Variants in SH3YL1 observed in about 807,000 individuals in gnomAD.
The protein encoded by SH3YL1 is SH3 domain-containing YSC84-like protein 1.
A neutral mutation model predicts 45.8 loss-of-function variants in SH3YL1; 41 were observed. The ratio of observed to expected loss-of-function variants is 0.89; its 90% CI spans 0.70 to 1.16. SH3YL1 has a LOEUF of 1.16. Ranked by LOEUF, SH3YL1 falls within the 50% of genes most tolerant of loss-of-function variation. SH3YL1 has a pLI of 0.00. For synonymous variants in SH3YL1, 152 were observed against 151.4 expected (o/e 1.00, Z -0.03); for missense variants, 389 against 409.6 (o/e 0.95, Z 0.43).
Position 229,354 on chromosome 2 carries a change from G to C in SH3YL1, c.781+612C>G, listed in dbSNP as rs368827761. Among the ~76,000 whole-genome samples the C allele has an allele frequency of 2.0e-5, 3 of 152,188 alleles. 1 individual carries two copies. The highest frequency in any genetic ancestry group is 7.2e-5 in the African/African-American group (3 of 41,446). ...CTTATTTTGTTCTCATTTCAAATCA[G>C]AAGGATAACGGTTTTTGGAAGAAAT... On this transcript the variant is annotated intron_variant, in intron 8 of 9. Transcript: ENST00000356150.
At chr2:260,509 G>A (rs1669545826) in intron 1 of SH3YL1, 1 of 152,186 alleles carries the variant, frequency 6.6e-6, no homozygotes, top group Non-Finnish European at 1.5e-5. Context: ...GGAGCTGCCA[G>A]AATAACTTTT....
intron 1 of SH3YL1, chr2:262,834 T>A (rs1288831817): frequency 3.0e-6 from 2 of 671,974 alleles, no homozygotes; most frequent in African/African-American, 1.9e-5. Flanking sequence ...CAAACATTAT[T>A]TTAAACTTTT....
At chr2:264,068 C>T, upstream of SH3YL1, 3 of 1,350,790 alleles carry the variant, frequency 2.2e-6, no homozygotes, top group South Asian at 5.4e-5. Context: ...ACAAGGAGGC[C>T]CCAGCGAGGG....
intron 4 of SH3YL1, chr2:241,228 G>T (rs1353529767): frequency 6.6e-6 from 1 of 152,038 alleles, no homozygotes; most frequent in Non-Finnish European, 1.5e-5. Flanking sequence ...TTATATAAAA[G>T]AACCAAATGG....
At chr2:248,215 A>C (rs905030889) in intron 3 of SH3YL1, among the ~76,000 whole-genome samples, 4 of 152,330 alleles carry the variant, frequency 2.6e-5, no homozygotes, top group Non-Finnish European at 5.9e-5. Context: ...GGATTACTAT[A>C]TGCTTATTTT....
At chr2:238,337 A>G (rs1668397426) in intron 4 of SH3YL1, among the ~76,000 whole-genome samples, 1 of 150,308 alleles carries the variant, frequency 6.7e-6, no homozygotes, top group South Asian at 2.1e-4. Context: ...ACCAAGCTTA[A>G]GTGGAGCGTC....
At chr2:253,225 AG>A in intron 1 of SH3YL1, 110 bp from the exon 2 acceptor site, 1 of 655,442 alleles carries the variant, frequency 1.5e-6, no homozygotes, top group Non-Finnish European at 2.5e-6. Context: ...TTCAAACCAG[AG>A]GGACTCCATT....
At chr2:225,398 C>T (rs1388290940) in intron 8 of SH3YL1, among the ~76,000 whole-genome samples, 1 of 152,222 alleles carries the variant, frequency 6.6e-6, no homozygotes, top group Non-Finnish European at 1.5e-5. Flanking sequence ...AAAACTGATT[C>T]TAACAGTACA....
At chr2:221,735 A>G (rs181594195) in intron 9 of SH3YL1, among the ~76,000 whole-genome samples, 2 of 152,254 alleles carry the variant, frequency 1.3e-5, no homozygotes, top group Admixed American at 1.3e-4. Context: ...CCTCCTGGGG[A>G]GGAGTACAAG....
intron 9 of SH3YL1, among the ~76,000 whole-genome samples, chr2:222,132 T>C (rs1204838128): frequency 6.6e-6 from 1 of 152,240 alleles, no homozygotes; most frequent in East Asian, 1.9e-4. Context: ...TATACTCATG[T>C]ACTTAAAAAA....
intron 4 of SH3YL1, among the ~76,000 whole-genome samples, chr2:246,735 A>T (rs1668832233): frequency 6.6e-6 from 1 of 152,218 alleles, no homozygotes; most frequent in South Asian, 2.1e-4. Context: ...TGCAGTCATG[A>T]TAAGCAAAAC....
In SH3YL1 at chr2:218,857, C is replaced by T. The variant is rs755451105; in HGVS notation, c.983G>A (p.Arg328Gln). The T allele has an allele frequency of 6.2e-6, 10 of 1,613,850 alleles. No homozygotes were observed. The highest frequency in any genetic ancestry group is 4.0e-5 in the African/African-American group (3 of 74,918). The change falls in exon 10 of 10, where the codon CGA becomes CAA. Residue 328 changes from arginine to glutamine, a missense_variant. Coordinates refer to ENST00000356150, the MANE Select transcript of SH3YL1 (RefSeq NM_015677.4). Reference sequence around the variant, plus strand: ...GGCTGGAAAAATGCCAGTTTGACCTCGAAGTTTTCCTTCCCACCAATCAAA... The same window carrying T: ...GGCTGGAAAAATGCCAGTTTGACCTTGAAGTTTTCCTTCCCACCAATCAAA... ...SHFDWWEGKL[R>Q]GQTGIFPANY... is the part of the protein sequence containing the mutation.
At chr2:229,876 A>G (rs778399772) in intron 8 of SH3YL1, 90 bp downstream of exon 8, 28 of 1,067,914 alleles carry the variant, frequency 2.6e-5, no homozygotes, top group Non-Finnish European at 3.5e-5. Context: ...ATTTAACTCT[A>G]AAGTTTAACA....
chr2:248,700 AG>A lies in SH3YL1; in HGVS notation c.226+1030del, dbSNP rs369421065. On this transcript the variant is annotated intron_variant, in intron 3 of 9. Coordinates refer to ENST00000356150, the MANE Select transcript of SH3YL1 (RefSeq NM_015677.4). ...GAGCAGTTGGGGACCTGAGACATGCAGGGACTTTCTCACAGACTCTGAGTCC... is the reference window on the plus strand; with the variant it reads ...GAGCAGTTGGGGACCTGAGACATGCAGGACTTTCTCACAGACTCTGAGTCC... Among the ~76,000 whole-genome samples the A allele has an allele frequency of 1.3e-5, 2 of 152,196 alleles. 1 individual carries two copies. The highest frequency in any genetic ancestry group is 4.8e-5 in the African/African-American group (2 of 41,452).
intron 1 of SH3YL1, chr2:262,338 TG>T: frequency 4.1e-6 from 1 of 245,452 alleles, no homozygotes; most frequent in Non-Finnish European, 8.3e-6. Context: ...GAACATCAAG[TG>T]CTAGCCTGAG....
chr2:229,461 G>A (rs1250616728), intron 8 of SH3YL1, among the ~76,000 whole-genome samples: 1 of 152,110 alleles, frequency 6.6e-6, no homozygotes, highest in African/African-American at 2.4e-5. Flanking sequence ...CGGGCACGGT[G>A]GCTCACGCCT....
At chr2:258,314 ATC>A (rs914632407) in intron 1 of SH3YL1, among the ~76,000 whole-genome samples, 1 of 152,156 alleles carries the variant, frequency 6.6e-6, no homozygotes, top group Non-Finnish European at 1.5e-5. Flanking sequence ...TGTTTGTGCC[ATC>A]TCTGATTTCT....
intron 5 of SH3YL1, 135 bp downstream of exon 5, chr2:234,025 A>C: frequency 1.6e-6 from 1 of 632,210 alleles, no homozygotes; most frequent in Non-Finnish European, 2.7e-6. Flanking sequence ...ATTTGTGATG[A>C]CCTCAAATCT....
chr2:260,134 G>A (rs576439414), intron 1 of SH3YL1: 10 of 152,226 alleles, frequency 6.6e-5, no homozygotes, highest in East Asian at 3.9e-4. Flanking sequence ...TTCCTATTGC[G>A]AAACATGTAG....
Sources: gnomAD v4.1 joint callset for allele counts (sites outside exome capture counted in the v4.1 genomes callset) on GRCh38, gnomAD v4.1.1 for gene constraint, MANE v1.5 for transcripts, NCBI Gene and HGNC (gene_info 2026-07-23, HGNC 2026-07-21) for gene names.